The following E4F1 variants were observed in gnomAD, a reference collection of about 807,000 sequenced individuals.
E4F1 encodes the protein E4F transcription factor 1.
E4F1 carries 30 observed loss-of-function variants against 72.9 expected under a neutral mutation model. The observed-to-expected ratio is 0.41, with a 90% CI of 0.31 to 0.56. E4F1 has a LOEUF of 0.56. E4F1 is among the 20% of genes least tolerant of loss of function. The pLI is 0.25. For missense variants in E4F1, 1,091 were observed against 1,117.5 expected, an observed-to-expected ratio of 0.98 and a Z score of 0.34; for synonymous variants, 542 against 478.2, an observed-to-expected ratio of 1.13 and a Z score of -1.74.
In E4F1 at chr16:2,229,646, C is replaced by T. The variant is rs772502120; in HGVS notation, c.386C>T (p.Ala129Val). ...GTGGTGGAGGCGGCCTCTCTGGCAG[C>T]AGACATCAGCCACGCATCTGACCTT... ...HIVVEAASLA[A>V]DISHASDLVG... Residue 129 changes from alanine to valine, a missense_variant, in exon 3 of 14, where the codon GCA becomes GTA. By Grantham distance (64) the Ala-to-Val change is moderately conservative. Coordinates refer to ENST00000301727, the MANE Select transcript of E4F1 (RefSeq NM_004424.5). 33 of 1,612,958 alleles carry T rather than the reference C, an allele frequency of 2.0e-5. No individual in the cohort carries two copies. Among genetic ancestry groups the T allele is most frequent in the Non-Finnish European group, 2.8e-5 (33 of 1,180,000 alleles).
intron 10 of E4F1, 49 bp from the exon 11 acceptor site, chr16:2,234,528 GAGCTGT>G: frequency 6.4e-7 from 1 of 1,551,466 alleles, no homozygotes; most frequent in Non-Finnish European, 8.7e-7. Flanking sequence ...CGGGAGGGGA[GAGCTGT>G]AGTCTGTTGT....
At chr16:2,225,756 G>A (rs2093427620) in intron 1 of E4F1, among the ~76,000 whole-genome samples, 1 of 139,830 alleles carries the variant, frequency 7.2e-6, no homozygotes, top group Non-Finnish European at 1.5e-5. Flanking sequence ...ACAGTCGTGC[G>A]CCACCGTGCC....
intron 10 of E4F1, 55 bp from the exon 11 acceptor site, chr16:2,234,528 G>C (rs1377062843): frequency 1.5e-5 from 24 of 1,551,350 alleles, no homozygotes; most frequent in Non-Finnish European, 2.1e-5. Context: ...CGGGAGGGGA[G>C]AGCTGTAGTC....
chr16:2,228,557 G>A (rs1374618291), intron 2 of E4F1, 34 bp downstream of exon 2: 1 of 1,601,872 alleles, frequency 6.2e-7, no homozygotes, highest in Non-Finnish European at 8.5e-7. Context: ...TCCCCTCCCG[G>A]GTTCACCTGA....
At chr16:2,234,105 C>A in intron 9 of E4F1, 66 bp from the exon 10 acceptor site, 1 of 1,579,190 alleles carries the variant, frequency 6.3e-7, no homozygotes, top group Non-Finnish European at 8.6e-7. Flanking sequence ...GATCTGTGGG[C>A]AGGTGGCAGG....
At position 2,234,328 on chromosome 16, in the gene E4F1, C is replaced by T. The variant is rs760743261; in HGVS notation, c.1533C>T (p.Arg511=). ...KTIAHVRGHR[R]VHSDERPYPC... The stretch of plus-strand genomic sequence containing the variant: ...TTGCCCATGTGCGTGGCCACCGGCG[C>T]GTCCACTCAGACGAGCGGCCCTACC... Residue 511 remains arginine (R), a synonymous_variant, in exon 10 of 14, where the codon CGC becomes CGT. Transcript: ENST00000301727. The T allele has an allele frequency of 2.0e-5, 33 of 1,612,868 alleles. No individual in the cohort carries two copies. Among genetic ancestry groups the T allele is most frequent in the South Asian group, 1.1e-4 (10 of 91,092 alleles).
In E4F1 at chr16:2,224,225, A is replaced by G. The variant is rs2093417435; in HGVS notation, c.157+455A>G. On this transcript the variant is annotated intron_variant, in intron 1 of 13. Coordinates refer to ENST00000301727, the MANE Select transcript of E4F1 (RefSeq NM_004424.5). Reference sequence around the variant, plus strand: ...GGGCCTGTCCGTAGGGAGGCAGCAGAGCCTAGTGCAAGAGGGCTGGTGCAC... The same window carrying G: ...GGGCCTGTCCGTAGGGAGGCAGCAGGGCCTAGTGCAAGAGGGCTGGTGCAC... 2.0e-5 allele frequency among the ~76,000 whole-genome samples: 3 copies of G among 152,146 alleles called. No homozygotes were observed. In the South Asian group the frequency reaches 6.2e-4, roughly 32 times the overall value.
chr16:2,224,124 G>T (rs1249329875), intron 1 of E4F1, among the ~76,000 whole-genome samples: 1 of 152,240 alleles, frequency 6.6e-6, no homozygotes, highest in African/African-American at 2.4e-5. Flanking sequence ...CCTTCCTCCT[G>T]CACCTGATGG....
At chr16:2,227,746 C>T (rs1303506109) in intron 1 of E4F1, among the ~76,000 whole-genome samples, 1 of 152,104 alleles carries the variant, frequency 6.6e-6, no homozygotes, top group Non-Finnish European at 1.5e-5. Context: ...GGTGATACAC[C>T]TGTCTCAGCC....
At chr16:2,225,314 G>C (rs1339078396) in intron 1 of E4F1, among the ~76,000 whole-genome samples, 1 of 151,870 alleles carries the variant, frequency 6.6e-6, no homozygotes, top group African/African-American at 2.4e-5. Flanking sequence ...TGGAGCTTGG[G>C]TCTGTACCCT....
chr16:2,227,393 A>G (rs2093438179), intron 1 of E4F1, among the ~76,000 whole-genome samples: 1 of 149,350 alleles, frequency 6.7e-6, no homozygotes, highest in Non-Finnish European at 1.5e-5. Context: ...TTTTTTTGAA[A>G]CGGAGTCTCG....
intron 1 of E4F1, among the ~76,000 whole-genome samples, chr16:2,227,204 GTTTGTTTTTTGGT>G (rs972931854): frequency 6.6e-6 from 1 of 151,910 alleles, no homozygotes; most frequent in African/African-American, 2.4e-5. Flanking sequence ...TTGGCTAAAT[GTTTGTTTTTTGGT>G]TTTGTTTTTT....
Position 2,232,360 on chromosome 16 carries a change from A to G in E4F1, c.605A>G (p.Lys202Arg), listed in dbSNP as rs766567991. 7 of 1,602,086 alleles carry G rather than the reference A, an allele frequency of 4.4e-6. No homozygotes were observed. The highest frequency in any genetic ancestry group is 6.0e-6 in the Non-Finnish European group (7 of 1,172,514). The change falls in exon 4 of 14, where the codon AAG becomes AGG. Residue 202 changes from lysine (K) to arginine (R), a missense_variant. By Grantham distance (26) the Lys-to-Arg change is conservative (BLOSUM62 2). Around this residue, in one of 5 missense-constraint regions of E4F1, gnomAD observed 362 missense variants for 358.6 expected, o/e 1.01. Transcript: ENST00000301727. ...YVCALCHKTF[K>R]TGSILKAHMV... ...TGTGCGCTGTGCCACAAGACCTTCA[A>G]GACGGTGAGCCGGCGTGCGGGGAGC...
chr16:2,229,923 C>G, intron 3 of E4F1: 1 of 479,414 alleles, frequency 2.1e-6, no homozygotes, highest in Admixed American at 3.3e-5. Context: ...GGGCTGTGCT[C>G]TCTCCCGTCA....
At chr16:2,233,806 G>C in intron 8 of E4F1, 76 bp from the exon 9 acceptor site, 1 of 1,441,064 alleles carries the variant, frequency 6.9e-7, no homozygotes, top group South Asian at 1.3e-5. Context: ...GCCAGGGTGG[G>C]GCCCATGGTT....
At chr16:2,234,816 G>A (rs1029657768) in intron 11 of E4F1, 35 bp downstream of exon 11, 15 of 1,543,328 alleles carry the variant, frequency 9.7e-6, no homozygotes, top group Middle Eastern at 4.5e-4. Context: ...GGGAGGGGAG[G>A]GGGCCGGGGC....
intron 3 of E4F1, chr16:2,229,902 A>T (rs1298629942): frequency 1.9e-6 from 1 of 531,356 alleles, no homozygotes; most frequent in Non-Finnish European, 3.4e-6. Flanking sequence ...CCCAGGCACC[A>T]GGGAGTCATT....
intron 1 of E4F1, among the ~76,000 whole-genome samples, chr16:2,225,792 A>G (rs1287629313): frequency 2.5e-5 from 3 of 118,576 alleles, no homozygotes; most frequent in Non-Finnish European, 3.5e-5. Context: ...TCTGTTTAGG[A>G]AAAAAAAAAA....
In E4F1 at chr16:2,235,527, C is replaced by T. The variant is rs201223947; in HGVS notation, c.2310C>T (p.Ile770=). Reference sequence around the variant, plus strand: ...TGGAGCATGCAGGCGAGCTGGTCATCGCCTCGCCGGAGGGCCAGCTGGAGG... The same window carrying T: ...TGGAGCATGCAGGCGAGCTGGTCATTGCCTCGCCGGAGGGCCAGCTGGAGG... ...EILEHAGELV[I]ASPEGQLEVQ... The change falls in exon 14 of 14, where the codon ATC becomes ATT. Residue 770 remains isoleucine, a synonymous_variant. Coordinates refer to ENST00000301727, the MANE Select transcript of E4F1 (RefSeq NM_004424.5). 181 of 1,605,182 alleles carry T rather than the reference C, an allele frequency of 1.1e-4. No homozygotes were observed. The highest frequency in any genetic ancestry group is 1.3e-4 in the Non-Finnish European group (158 of 1,174,726).
Sources: gnomAD v4.1 joint callset for allele counts (sites outside exome capture counted in the v4.1 genomes callset) on GRCh38, gnomAD v4.1.1 for gene constraint, gnomAD v4.1.1 regional missense constraint, MANE v1.5 for transcripts, NCBI Gene and HGNC (gene_info 2026-07-23, HGNC 2026-07-21) for gene names.